Variants in CLIC6 observed in about 807,000 individuals in gnomAD.
CLIC6 encodes the protein chloride intracellular channel protein 6.
In CLIC6, 39 loss-of-function variants were observed where a neutral mutation model predicts 49.2. The ratio of observed to expected loss-of-function variants is 0.79; its 90% CI spans 0.61 to 1.04. CLIC6 has a LOEUF of 1.04. Among genes scored for constraint, CLIC6 ranks in the 50% least tolerant of loss-of-function variants. CLIC6 has a pLI of 0.00. For missense variants in CLIC6, 988 were observed against 993.1 expected, an observed-to-expected ratio of 0.99 and a Z score of 0.07; for synonymous variants, 446 against 433.4, an observed-to-expected ratio of 1.03 and a Z score of -0.36.
At chr21:34,707,488 G>GCATGGGCA in intron 2 of CLIC6, 99 bp downstream of exon 2, 1 of 750,532 alleles carries the variant, frequency 1.3e-6, no homozygotes. Flanking sequence ...CAACGGTGCT[G>GCATGGGCA]CATGGGCACG....
rs767791933 is a variant in CLIC6, at chr21:34,670,736, G to A, written c.1348G>A (p.Glu450Lys). ...EASEPRALGQ[E>K]HDITLFVKAG... ...GTCCGAGCCCCGGGCCCTGGGGCAGGAGCACGACATCACCCTCTTCGTCAA... is the reference window on the plus strand; with the variant it reads ...GTCCGAGCCCCGGGCCCTGGGGCAGAAGCACGACATCACCCTCTTCGTCAA... The change falls in exon 1 of 6, where the codon GAG becomes AAG. Residue 450 changes from glutamate to lysine, a missense_variant. By Grantham distance (56) the Glu-to-Lys change is moderately conservative. This residue lies in a region of CLIC6 where 647 missense variants were observed against 596.9 expected (regional missense o/e 1.08). Coordinates refer to ENST00000349499, the MANE Select transcript of CLIC6 (RefSeq NM_053277.3). 2.5e-6 allele frequency: 4 copies of A among 1,600,460 alleles called. No individual in the cohort carries two copies. Among genetic ancestry groups the A allele is most frequent in the Admixed American group, 1.7e-5 (1 of 59,550 alleles).
chr21:34,692,148 G>A (rs964457607), intron 1 of CLIC6, among the ~76,000 whole-genome samples: 5 of 152,064 alleles, frequency 3.3e-5, no homozygotes, highest in African/African-American at 9.7e-5. Flanking sequence ...ATTTAGCTTT[G>A]CCACTTCTTC....
intron 3 of CLIC6, 89 bp downstream of exon 3, chr21:34,708,158 T>C (rs767371901): frequency 2.9e-5 from 43 of 1,473,348 alleles, no homozygotes; most frequent in Non-Finnish European, 3.8e-5. Context: ...TGTGTGTGTG[T>C]GTGGTTTTCT....
chr21:34,695,017 A>G (rs1203631331), intron 1 of CLIC6, among the ~76,000 whole-genome samples: 1 of 152,256 alleles, frequency 6.6e-6, no homozygotes, highest in Non-Finnish European at 1.5e-5. Flanking sequence ...CATTGCCATA[A>G]CAAATTACAC....
intron 1 of CLIC6, among the ~76,000 whole-genome samples, chr21:34,671,786 A>G (rs1379826606): frequency 1.3e-5 from 2 of 152,210 alleles, no homozygotes; most frequent in Non-Finnish European, 2.9e-5. Context: ...TTTAATAAGT[A>G]AAAGGAAATG....
intron 2 of CLIC6, 47 bp from the exon 3 acceptor site, chr21:34,707,897 C>T (rs1337257618): frequency 6.2e-7 from 1 of 1,608,996 alleles, no homozygotes; most frequent in Non-Finnish European, 8.5e-7. Context: ...GAAATGAGTC[C>T]AGATTCTCAC....
chr21:34,707,090 G>A (rs1170991092), intron 1 of CLIC6, among the ~76,000 whole-genome samples, 190 bp from the exon 2 acceptor site: 1 of 152,118 alleles, frequency 6.6e-6, no homozygotes, highest in Non-Finnish European at 1.5e-5. Flanking sequence ...TGCGTGTGTG[G>A]TGTTCTCTCC....
chr21:34,697,458 C>T (rs1879998568), intron 1 of CLIC6, among the ~76,000 whole-genome samples: 1 of 152,128 alleles, frequency 6.6e-6, no homozygotes, highest in African/African-American at 2.4e-5. Flanking sequence ...TGTTATTTCC[C>T]TATCTTTGGT....
At position 34,716,550 on chromosome 21, in the gene CLIC6, A is replaced by G. The variant is rs1301768379; in HGVS notation, c.*68A>G. 1.5e-6 allele frequency: 2 copies of G among 1,346,480 alleles called. No individual in the cohort carries two copies. Among genetic ancestry groups the G allele is most frequent in the African/African-American group, 3.0e-5 (2 of 67,140 alleles). The allele number at this position is 1,346,480 out of a possible 1,614,324, so 83.4% of individuals were successfully genotyped here. The stretch of plus-strand genomic sequence containing the variant: ...GGATACGAAAACAGTGTGTTTGAAA[A>G]CAAATTAGGTTTGGGTTCAATTCCT... On this transcript the variant is annotated 3_prime_UTR_variant, in exon 6 of 6. Transcript: ENST00000349499.
intron 1 of CLIC6, among the ~76,000 whole-genome samples, chr21:34,679,498 A>T (rs963336757): frequency 2.0e-5 from 3 of 152,164 alleles, no homozygotes; most frequent in Non-Finnish European, 4.4e-5. Flanking sequence ...AAACACAATC[A>T]TGCCCCTCCA....
intron 1 of CLIC6, among the ~76,000 whole-genome samples, chr21:34,701,341 G>C (rs1412302115): frequency 6.7e-6 from 1 of 149,404 alleles, no homozygotes; most frequent in African/African-American, 2.5e-5. Context: ...AAAATCAGTG[G>C]TTCTTTAAGG....
Position 34,670,038 on chromosome 21 carries a change from G to A in CLIC6, c.650G>A (p.Gly217Glu), listed in dbSNP as rs998770359. The change falls in exon 1 of 6, where the codon GGG becomes GAG. Residue 217 changes from glycine (G) to glutamate (E), a missense_variant. This residue lies in a region of CLIC6 where 57 missense variants were observed against 117.6 expected (regional missense o/e 0.48). Transcript: ENST00000349499. Reference sequence around the variant, plus strand: ...AACATACAAGCCGAGGGCCCGGCGGGGGACAGCGTAGACGCGGAGGGCCGG... The same window carrying A: ...AACATACAAGCCGAGGGCCCGGCGGAGGACAGCGTAGACGCGGAGGGCCGG... ...GDNIQAEGPAGDSVDAEGRVG... is the reference protein window; with the variant it reads ...GDNIQAEGPAEDSVDAEGRVG... 7.2e-7 allele frequency: 1 copy of A among 1,386,184 alleles called. No homozygotes were observed. 85.9% of individuals were successfully genotyped at this position (1,386,184 alleles called of 1,614,324 possible).
At chr21:34,675,685 G>A (rs1480144962) in intron 1 of CLIC6, among the ~76,000 whole-genome samples, 3 of 152,138 alleles carry the variant, frequency 2.0e-5, no homozygotes, top group Non-Finnish European at 4.4e-5. Context: ...TGCTGGGGGT[G>A]GGGATACCCC....
At chr21:34,683,595 G>A (rs569259425) in intron 1 of CLIC6, among the ~76,000 whole-genome samples, 34 of 152,322 alleles carry the variant, frequency 2.2e-4, no homozygotes, top group African/African-American at 8.2e-4. Context: ...CACATGTTGA[G>A]GGAGGGATGT....
At chr21:34,676,185 A>G (rs1989667759) in intron 1 of CLIC6, among the ~76,000 whole-genome samples, 1 of 152,204 alleles carries the variant, frequency 6.6e-6, no homozygotes, top group Admixed American at 6.5e-5. Context: ...CAGAAATACT[A>G]CACTGGGTCC....
intron 5 of CLIC6, among the ~76,000 whole-genome samples, chr21:34,714,254 G>A (rs1187790939): frequency 6.6e-6 from 1 of 152,130 alleles, no homozygotes; most frequent in Admixed American, 6.5e-5. Flanking sequence ...GGAATTATAC[G>A]GACAGAATAG....
At position 34,685,779 on chromosome 21, in the gene CLIC6, A is replaced by T. The variant is rs1989865613; in HGVS notation, c.1374+15017A>T. ...TATAATGCTTTGAATCATAAATAAC[A>T]GCAATAAAGCAAGAATGTTCTGTCA... On this transcript the variant is annotated intron_variant, in intron 1 of 5. Transcript: ENST00000349499. 2.0e-5 allele frequency among the ~76,000 whole-genome samples: 3 copies of T among 152,218 alleles called. No homozygotes were observed. The South Asian group carries it at 6.2e-4, about 32-fold the overall frequency.
At chr21:34,702,825 C>A (rs1195587164) in intron 1 of CLIC6, among the ~76,000 whole-genome samples, 1 of 152,208 alleles carries the variant, frequency 6.6e-6, no homozygotes, top group Non-Finnish European at 1.5e-5. Context: ...TTCTCTCTGG[C>A]TTTTCATCAG....
intron 1 of CLIC6, among the ~76,000 whole-genome samples, chr21:34,697,628 T>A (rs1188067221): frequency 6.6e-6 from 1 of 152,178 alleles, no homozygotes; most frequent in Non-Finnish European, 1.5e-5. Flanking sequence ...GGGCAGACAA[T>A]AGGGTGACCA....
Sources: gnomAD v4.1 joint callset for allele counts (sites outside exome capture counted in the v4.1 genomes callset) on GRCh38, gnomAD v4.1.1 for gene constraint, gnomAD v4.1.1 regional missense constraint, MANE v1.5 for transcripts, NCBI Gene and HGNC (gene_info 2026-07-23, HGNC 2026-07-21) for gene names.